ETS1: variants seen among roughly 807,000 people sequenced by gnomAD.
ETS1 encodes the protein ETS proto-oncogene 1, transcription factor.
Under a neutral mutation model 58.6 loss-of-function variants are expected in ETS1, and 15 were observed. The observed-to-expected ratio is 0.26, with a 90% CI of 0.17 to 0.39. ETS1 has a LOEUF of 0.39. Among genes scored for constraint, ETS1 ranks in the 10% least tolerant of loss-of-function variants. The probability of loss-of-function intolerance (pLI) is 1.00; values close to 1 mark genes in which losing one functional copy is unlikely to be tolerated. For synonymous variants in ETS1, 214 were observed against 218.2 expected, an observed-to-expected ratio of 0.98 and a Z score of 0.17; for missense variants, 417 against 610.5, an observed-to-expected ratio of 0.68 and a Z score of 3.34.
chr11:128,584,771 T>A (rs527912401), intron 1 of ETS1, among the ~76,000 whole-genome samples: 1 of 151,666 alleles, frequency 6.6e-6, no homozygotes, highest in African/African-American at 2.4e-5. Flanking sequence ...TTGCCTGAAA[T>A]GCCACTAAAT....
rs1255208710 is a variant in ETS1 at position 128,549,774 on chromosome 11, T to C, written c.214+6517A>G. ...TCCTCGGGGCTGTTGGGGTCACTCC[T>C]GAGAGCATGGGGTCTCTGGTCTCTA... On this transcript the variant is annotated intron_variant, in intron 3 of 9. Coordinates refer to ENST00000392668, the MANE Select transcript of ETS1 (RefSeq NM_001143820.2). This position sits in a 1 kb window ranked among gnomAD's most constrained non-coding sequence, Gnocchi z 4.3. 1.3e-5 allele frequency among the ~76,000 whole-genome samples: 2 copies of C among 152,220 alleles called. No individual in the cohort carries two copies. Among genetic ancestry groups the C allele is most frequent in the Non-Finnish European group, 2.9e-5 (2 of 68,036 alleles).
In ETS1 at chr11:128,480,291, G is replaced by A; in HGVS notation, c.1023C>T (p.Asn341=). ...CCTTGAAGGTGCCCTTGGGCTTGTGGTTGGGCAGGGCAGCCGGATAGTCCT... is the reference window on the plus strand; with the variant it reads ...CCTTGAAGGTGCCCTTGGGCTTGTGATTGGGCAGGGCAGCCGGATAGTCCT... ...DSEDYPAALP[N]HKPKGTFKDY... The change falls in exon 8 of 10, where the codon AAC becomes AAT. Residue 341 remains asparagine (N), a synonymous_variant. Coordinates refer to ENST00000392668, the MANE Select transcript of ETS1 (RefSeq NM_001143820.2). The A allele has an allele frequency of 6.2e-7, 1 of 1,614,134 alleles. No individual in the cohort carries two copies.
intron 3 of ETS1, among the ~76,000 whole-genome samples, chr11:128,533,584 T>C (rs895673528): frequency 2.0e-5 from 3 of 152,226 alleles, no homozygotes; most frequent in African/African-American, 7.2e-5. Flanking sequence ...TTCTTCACTC[T>C]TTTATGCATT....
chr11:128,491,412 G>A (rs1284030465), intron 3 of ETS1, among the ~76,000 whole-genome samples: 1 of 152,224 alleles, frequency 6.6e-6, no homozygotes, highest in South Asian at 2.1e-4. Flanking sequence ...AGTACATGAT[G>A]CAACGTTAAT....
At chr11:128,540,891 C>T (rs961595084) in intron 3 of ETS1, among the ~76,000 whole-genome samples, 7 of 152,172 alleles carry the variant, frequency 4.6e-5, no homozygotes, top group African/African-American at 1.7e-4. Flanking sequence ...AAAATCAACA[C>T]AGGAGAGAGA....
chr11:128,495,854 T>C (rs1158321444), intron 3 of ETS1, among the ~76,000 whole-genome samples: 1 of 152,228 alleles, frequency 6.6e-6, no homozygotes, highest in Non-Finnish European at 1.5e-5. Flanking sequence ...AAGAGGTCTG[T>C]TCATAGGTGG....
At chr11:128,535,963 A>G (rs1470173723) in intron 3 of ETS1, among the ~76,000 whole-genome samples, 1 of 152,196 alleles carries the variant, frequency 6.6e-6, no homozygotes, top group Non-Finnish European at 1.5e-5. Context: ...TTGTTCTGGC[A>G]AGGTTCCTAC....
intron 3 of ETS1, among the ~76,000 whole-genome samples, chr11:128,528,528 C>T (rs187139677): frequency 7.5e-4 from 114 of 152,262 alleles, no homozygotes; most frequent in African/African-American, 2.2e-3. Context: ...TTTGAATATG[C>T]GTGTCAGTCT....
intron 2 of ETS1, among the ~76,000 whole-genome samples, chr11:128,570,811 G>A (rs1209679479): frequency 1.3e-5 from 2 of 152,160 alleles, no homozygotes; most frequent in South Asian, 2.1e-4. Flanking sequence ...TTCAGCCCTC[G>A]ATATGATCTT....
rs1326367217 is a variant in ETS1, at chr11:128,549,017, G to C, written c.214+7274C>G. ...GATTGCAGGGGAGGAAGGCGGGGTG[G>C]GGTTAGGGACCGGGAGGCTGGGGGA... On this transcript the variant is annotated intron_variant, in intron 3 of 9. Coordinates refer to ENST00000392668, the MANE Select transcript of ETS1 (RefSeq NM_001143820.2). This position sits in a 1 kb window ranked among gnomAD's most constrained non-coding sequence, Gnocchi z 4.3. Among the ~76,000 whole-genome samples, 3 of 152,126 alleles carry C rather than the reference G, an allele frequency of 2.0e-5. No homozygotes were observed. Among genetic ancestry groups the C allele is most frequent in the South Asian group, 4.1e-4 (2 of 4,822 alleles).
At chr11:128,563,635 G>A (rs1002276568) in intron 2 of ETS1, among the ~76,000 whole-genome samples, 1 of 152,166 alleles carries the variant, frequency 6.6e-6, no homozygotes, top group African/African-American at 2.4e-5. Flanking sequence ...GCCACACCAC[G>A]GTGGGCGAGC....
intron 3 of ETS1, among the ~76,000 whole-genome samples, chr11:128,544,029 C>T (rs1864094469): frequency 2.0e-5 from 3 of 152,072 alleles, no homozygotes; most frequent in South Asian, 4.2e-4. Flanking sequence ...TCACTGCTCA[C>T]CTGAAGCTCA....
At chr11:128,506,605 A>T (rs1454788628) in intron 3 of ETS1, among the ~76,000 whole-genome samples, 1 of 152,166 alleles carries the variant, frequency 6.6e-6, no homozygotes, top group Non-Finnish European at 1.5e-5. Context: ...GAAGGCGGGC[A>T]AGGTGTCCAG....
chr11:128,541,424 C>T (rs1350581389), intron 3 of ETS1, among the ~76,000 whole-genome samples: 1 of 152,146 alleles, frequency 6.6e-6, no homozygotes, highest in African/African-American at 2.4e-5. Flanking sequence ...GTTTGGACAA[C>T]CAGGATACAA....
At chr11:128,482,617 A>C (rs902905643) in intron 7 of ETS1, among the ~76,000 whole-genome samples, 13 of 152,340 alleles carry the variant, frequency 8.5e-5, no homozygotes, top group African/African-American at 2.2e-4. Context: ...TGTGGTTTAC[A>C]GCGGTAGGCA....
intron 2 of ETS1, among the ~76,000 whole-genome samples, chr11:128,571,080 C>A (rs566262840): frequency 2.6e-5 from 4 of 151,896 alleles, no homozygotes; most frequent in African/African-American, 7.2e-5. Context: ...TAAAATGTGT[C>A]TTTTCCCTTG....
At chr11:128,485,359 C>A (rs2135451673) in intron 6 of ETS1, among the ~76,000 whole-genome samples, 2 of 152,218 alleles carry the variant, frequency 1.3e-5, no homozygotes, top group Non-Finnish European at 2.9e-5. Context: ...AGGTCAAATG[C>A]CCACCAACAT....
intron 5 of ETS1, among the ~76,000 whole-genome samples, chr11:128,487,694 G>C (rs1245114984): frequency 6.6e-6 from 1 of 152,130 alleles, no homozygotes; most frequent in Admixed American, 6.5e-5. Flanking sequence ...AGCCGACATC[G>C]CGCGACTGCA....
intron 2 of ETS1, among the ~76,000 whole-genome samples, chr11:128,570,288 TG>T (rs948979599): frequency 1.3e-5 from 2 of 150,208 alleles, no homozygotes; most frequent in African/African-American, 4.9e-5. Flanking sequence ...CAGGCTGGAG[TG>T]TGCAATGGCA....
Sources: allele counts gnomAD v4.1 joint callset (sites outside exome capture counted in the v4.1 genomes callset), GRCh38; gene constraint gnomAD v4.1.1; non-coding constraint Gnocchi (gnomAD v3.1); transcripts MANE v1.5; gene names NCBI Gene and HGNC (gene_info 2026-07-23, HGNC 2026-07-21).